CRPPA: variants seen among roughly 807,000 people sequenced by gnomAD.
CRPPA encodes D-ribitol-5-phosphate cytidylyltransferase.
A neutral mutation model predicts 52.0 loss-of-function variants in CRPPA; 43 were observed. The ratio of observed to expected loss-of-function variants is 0.83; its 90% CI spans 0.65 to 1.07. The LOEUF (loss-of-function observed/expected upper bound fraction) is 1.07, where lower values mean the gene tolerates loss of function less well. CRPPA is among the 50% of genes least tolerant of loss of function. The pLI is 0.00. For synonymous variants in CRPPA, 250 were observed against 203.5 expected (o/e 1.23, Z -1.94); for missense variants, 629 against 551.7 (o/e 1.14, Z -1.40).
chr7:16,261,151 A>G (rs374803675), intron 6 of CRPPA, among the ~76,000 whole-genome samples: 34 of 152,224 alleles, frequency 2.2e-4, no homozygotes, highest in African/African-American at 8.2e-4. Flanking sequence ...CAATAGAATA[A>G]TATGCATGTC....
intron 3 of CRPPA, among the ~76,000 whole-genome samples, chr7:16,361,281 C>G (rs959602724): frequency 1.3e-5 from 2 of 152,096 alleles, no homozygotes; most frequent in Admixed American, 6.5e-5. Context: ...AATGGTACAG[C>G]CACTATGGAA....
intron 9 of CRPPA, among the ~76,000 whole-genome samples, chr7:16,178,791 A>G (rs755435434): frequency 7.6e-6 from 1 of 131,878 alleles, no homozygotes; most frequent in Non-Finnish European, 1.7e-5. Flanking sequence ...TAGTGTCAAC[A>G]TAAGCATTTT....
rs199790485 is a variant in CRPPA, at chr7:16,216,055, A to G, written c.1251+11T>C. On this transcript the variant is annotated intron_variant, in intron 9 of 9. Transcript: ENST00000407010. ...CAGAACATACATTCGGAAGATAAAC[A>G]TTTTACCTACCTGTGGGTAAGATAT... The G allele has an allele frequency of 6.6e-5, 104 of 1,571,682 alleles. No homozygotes were observed. The highest frequency in any genetic ancestry group is 8.3e-5 in the Non-Finnish European group (96 of 1,160,590).
intron 8 of CRPPA, among the ~76,000 whole-genome samples, chr7:16,233,992 A>G (rs564616322): frequency 6.6e-6 from 1 of 152,270 alleles, no homozygotes; most frequent in South Asian, 2.1e-4. Flanking sequence ...TATTATCAGT[A>G]TTTAATAGGG....
intron 9 of CRPPA, among the ~76,000 whole-genome samples, chr7:16,176,042 T>C (rs180845232): frequency 7.2e-5 from 11 of 152,264 alleles, no homozygotes; most frequent in Non-Finnish European, 1.5e-4. Context: ...GCCAATCTTT[T>C]TCTCTTATGA....
intron 3 of CRPPA, among the ~76,000 whole-genome samples, chr7:16,324,260 C>T (rs1785327799): frequency 6.6e-6 from 1 of 152,144 alleles, no homozygotes; most frequent in South Asian, 2.1e-4. Context: ...AGATGAACTC[C>T]ATATTACAGA....
At chr7:16,239,363 T>C (rs1263129177) in intron 8 of CRPPA, among the ~76,000 whole-genome samples, 3 of 151,782 alleles carry the variant, frequency 2.0e-5, no homozygotes, top group East Asian at 1.9e-4. Context: ...TAATGCTCTT[T>C]TAAATATTAT....
intron 9 of CRPPA, among the ~76,000 whole-genome samples, chr7:16,154,385 C>T (rs995571813): frequency 3.9e-5 from 6 of 152,076 alleles, no homozygotes; most frequent in African/African-American, 1.4e-4. Flanking sequence ...GTGTGTTCCC[C>T]TCTCTGTGTC....
Position 16,406,261 on chromosome 7 carries a change from A to G in CRPPA, c.334T>C (p.Tyr112His). The change falls in exon 2 of 10, where the codon TAT becomes CAT. Residue 112 changes from tyrosine to histidine, a missense_variant. Physicochemically the swap from Tyr to His is moderately conservative, Grantham distance 83. Transcript: ENST00000407010. Reference sequence around the variant, plus strand: ...ACCAGTGAGATGCGTTTATGCTGATACTTCTGAATAATACTTTTCATTACT... The same window carrying G: ...ACCAGTGAGATGCGTTTATGCTGATGCTTCTGAATAATACTTTTCATTACT... ...MEVMKSIIQKYQHKRISLVEA... is the reference protein window; with the variant it reads ...MEVMKSIIQKHQHKRISLVEA... 6.2e-7 allele frequency: 1 copy of G among 1,613,888 alleles called. No homozygotes were observed. Among genetic ancestry groups the G allele is most frequent in the Non-Finnish European group, 8.5e-7 (1 of 1,179,822 alleles).
chr7:16,242,406 C>G (rs890545299), intron 8 of CRPPA, among the ~76,000 whole-genome samples: 2 of 152,124 alleles, frequency 1.3e-5, no homozygotes, highest in African/African-American at 4.8e-5. Context: ...AAACAGAGAA[C>G]TGGATATGTC....
chr7:16,268,630 C>T (rs1033981903), intron 6 of CRPPA, among the ~76,000 whole-genome samples: 3 of 151,992 alleles, frequency 2.0e-5, no homozygotes, highest in Non-Finnish European at 4.4e-5. Flanking sequence ...AACAAAAACT[C>T]GATCATGTGA....
chr7:16,255,844 A>G (rs1350179965), intron 8 of CRPPA, among the ~76,000 whole-genome samples: 1 of 152,210 alleles, frequency 6.6e-6, no homozygotes, highest in Non-Finnish European at 1.5e-5. Context: ...AAAACCCTAG[A>G]AGAAAACCTA....
At chr7:16,418,747 C>G (rs1017152195) in intron 1 of CRPPA, among the ~76,000 whole-genome samples, 1 of 152,182 alleles carries the variant, frequency 6.6e-6, no homozygotes, top group Non-Finnish European at 1.5e-5. Context: ...TTACTTCCAC[C>G]TGATCTCTCC....
At chr7:16,273,896 G>A (rs1381134335) in intron 6 of CRPPA, among the ~76,000 whole-genome samples, 1 of 152,108 alleles carries the variant, frequency 6.6e-6, no homozygotes, top group Admixed American at 6.5e-5. Context: ...CTGCTCACCT[G>A]CATGCTCCCT....
chr7:16,264,843 G>T (rs1189214497), intron 6 of CRPPA, among the ~76,000 whole-genome samples: 1 of 152,156 alleles, frequency 6.6e-6, no homozygotes, highest in Non-Finnish European at 1.5e-5. Flanking sequence ...GTATGTGTGT[G>T]CATGTGTGTA....
chr7:16,323,563 T>C (rs1402544883), intron 3 of CRPPA, among the ~76,000 whole-genome samples: 1 of 152,208 alleles, frequency 6.6e-6, no homozygotes, highest in Non-Finnish European at 1.5e-5. Context: ...CAAGTCCGTT[T>C]ATTGCCAAGT....
intron 6 of CRPPA, among the ~76,000 whole-genome samples, chr7:16,274,361 C>T (rs1474554182): frequency 6.6e-6 from 1 of 152,044 alleles, no homozygotes; most frequent in Admixed American, 6.6e-5. Flanking sequence ...GTGGCTGTTT[C>T]TAAGAGAAAG....
chr7:16,284,749 C>T (rs1784389207), intron 5 of CRPPA, among the ~76,000 whole-genome samples: 1 of 152,064 alleles, frequency 6.6e-6, no homozygotes, highest in Non-Finnish European at 1.5e-5. Context: ...AGGATCTAGG[C>T]TGAAGCATTT....
At chr7:16,281,951 T>G (rs2128418554) in intron 5 of CRPPA, among the ~76,000 whole-genome samples, 1 of 152,180 alleles carries the variant, frequency 6.6e-6, no homozygotes, top group East Asian at 1.9e-4. Context: ...TTCAATATTT[T>G]TCATAATCAC....
Sources: allele counts gnomAD v4.1 joint callset (sites outside exome capture counted in the v4.1 genomes callset), GRCh38; gene constraint gnomAD v4.1.1; transcripts MANE v1.5; gene names NCBI Gene and HGNC (gene_info 2026-07-23, HGNC 2026-07-21).